The following KANSL2 variants were observed in gnomAD, a reference collection of about 807,000 sequenced individuals.
KANSL2 encodes NSL complex protein NSL2.
Under a neutral mutation model 55.6 loss-of-function variants are expected in KANSL2, and 34 were observed. The observed-to-expected ratio is 0.61, with a 90% CI of 0.46 to 0.81. The LOEUF is 0.81. KANSL2 is among the 40% of genes least tolerant of loss of function. KANSL2 has a pLI of 0.00. For missense variants in KANSL2, 502 were observed against 609.9 expected (o/e 0.82, Z 1.86); for synonymous variants, 209 against 214.3 (o/e 0.98, Z 0.22).
At chr12:48,659,306 C>T (rs1290042130) in intron 8 of KANSL2, among the ~76,000 whole-genome samples, 1 of 146,550 alleles carries the variant, frequency 6.8e-6, no homozygotes, top group African/African-American at 2.5e-5. Flanking sequence ...AAAAAAAAAG[C>T]CAAGTTATAG....
intron 4 of KANSL2, among the ~76,000 whole-genome samples, chr12:48,675,249 G>C (rs10875858): frequency 6.7e-6 from 1 of 150,244 alleles, no homozygotes; most frequent in African/African-American, 2.4e-5. Context: ...ACAAAAAAAA[G>C]AAAGAAATTA....
At chr12:48,656,581 G>C (rs534717830) in intron 8 of KANSL2, 16 of 372,368 alleles carry the variant, frequency 4.3e-5, no homozygotes, top group Admixed American at 3.8e-4. Context: ...CAACTCCCTG[G>C]TTCTTAAGCC....
chr12:48,678,681 G>C (rs937172122), intron 4 of KANSL2, among the ~76,000 whole-genome samples: 6 of 152,096 alleles, frequency 3.9e-5, no homozygotes, highest in Non-Finnish European at 7.4e-5. Flanking sequence ...CATTATTCCT[G>C]AGGTTTAGGC....
At chr12:48,655,162 A>C (rs1939353067) in intron 8 of KANSL2, 102 bp from the exon 9 acceptor site, 1 of 1,147,970 alleles carries the variant, frequency 8.7e-7, no homozygotes, top group Non-Finnish European at 1.2e-6. Context: ...TGTCTCCCTC[A>C]ACCCTAGCCT....
chr12:48,674,499 T>C (rs946882315), intron 4 of KANSL2, among the ~76,000 whole-genome samples: 3 of 152,186 alleles, frequency 2.0e-5, no homozygotes, highest in Non-Finnish European at 4.4e-5. Flanking sequence ...ATACACAGAA[T>C]ATACAAAATT....
Position 48,660,460 on chromosome 12 carries a change from G to C in KANSL2, c.1133C>G (p.Ser378Cys). 6.2e-7 allele frequency: 1 copy of C among 1,613,976 alleles called. No homozygotes were observed. The highest frequency in any genetic ancestry group is 8.5e-7 in the Non-Finnish European group (1 of 1,179,872). ...GCCGGCTTCCAGATCGTCTGGCACA[G>C]ACAGTACCTGCTCGGGCTTATACAT... is the stretch of plus-strand genomic sequence containing the variant. ...PQMYKPEQVL[S>C]VPDDLEAGPM... The change falls in exon 8 of 10, where the codon TCT (serine) becomes TGT (cysteine). Residue 378 changes from serine to cysteine, a missense_variant. By Grantham distance (112) the Ser-to-Cys change is moderately radical. Transcript: ENST00000420613.
In KANSL2 at chr12:48,681,371, T is replaced by C. The variant is rs552321821; in HGVS notation, c.251+11A>G. On this transcript the variant is annotated intron_variant, in intron 2 of 9. Coordinates refer to ENST00000420613, the MANE Select transcript of KANSL2 (RefSeq NM_017822.4). ...TTAAGAAAAACGACATATATATCTA[T>C]ACATATATACCCATCTTTCTTCTCT... 9.4e-5 allele frequency: 150 copies of C among 1,602,778 alleles called. No homozygotes were observed. In the South Asian group the frequency reaches 1.6e-3, roughly 17 times the overall value.
chr12:48,670,750 A>G (rs991628315), intron 5 of KANSL2, among the ~76,000 whole-genome samples: 1 of 151,856 alleles, frequency 6.6e-6, no homozygotes, highest in Admixed American at 6.6e-5. Context: ...TCGGAGGATC[A>G]CTTGAGCCCA....
chr12:48,655,867 C>T (rs1033508455), intron 8 of KANSL2, among the ~76,000 whole-genome samples: 1 of 152,126 alleles, frequency 6.6e-6, no homozygotes, highest in Non-Finnish European at 1.5e-5. Context: ...TCAAGACCAG[C>T]CTGGGTGACA....
At chr12:48,674,857 C>T (rs1294028025) in intron 4 of KANSL2, among the ~76,000 whole-genome samples, 2 of 151,792 alleles carry the variant, frequency 1.3e-5, no homozygotes, top group Admixed American at 1.3e-4. Context: ...ACCTGGTAGG[C>T]AGAGATTACA....
At chr12:48,656,808 TCAAA>T (rs747867646) in intron 8 of KANSL2, 10 of 480,940 alleles carry the variant, frequency 2.1e-5, no homozygotes, top group Admixed American at 7.2e-5. Flanking sequence ...AAACAATATA[TCAAA>T]CTAACTTTCA....
At chr12:48,666,599 A>T (rs925828696) in intron 7 of KANSL2, among the ~76,000 whole-genome samples, 2 of 152,090 alleles carry the variant, frequency 1.3e-5, no homozygotes, top group Non-Finnish European at 2.9e-5. Context: ...AGGATGACAC[A>T]CAAGAATTGC....
chr12:48,672,392 T>C (rs1400029010), intron 4 of KANSL2, among the ~76,000 whole-genome samples: 2 of 137,632 alleles, frequency 1.5e-5, no homozygotes, highest in African/African-American at 5.6e-5. Context: ...TATATATACA[T>C]GTATATATAT....
chr12:48,672,996 C>T lies in KANSL2; in HGVS notation c.546-1034G>A, dbSNP rs138073513. On this transcript the variant is annotated intron_variant, in intron 4 of 9. Coordinates refer to ENST00000420613, the MANE Select transcript of KANSL2 (RefSeq NM_017822.4). ...CTGGTCTTAACTCCTGACCTCAGAT[C>T]GATCTTCCAGCCTCGGCCTCCCAAA... 2.5e-3 allele frequency among the ~76,000 whole-genome samples: 382 copies of T among 151,988 alleles called. 1 individual carries two copies. Among genetic ancestry groups the T allele is most frequent in the Non-Finnish European group, 4.0e-3 (274 of 67,944 alleles).
At chr12:48,676,018 A>G (rs766646946) in intron 4 of KANSL2, among the ~76,000 whole-genome samples, 21 of 152,224 alleles carry the variant, frequency 1.4e-4, no homozygotes, top group Non-Finnish European at 2.2e-4. Context: ...GTCATATGAT[A>G]CAATTATTAT....
At chr12:48,681,228 A>G (rs113003476) in intron 2 of KANSL2, 154 bp downstream of exon 2, 138 of 754,004 alleles carry the variant, frequency 1.8e-4, no homozygotes, top group Non-Finnish European at 2.6e-4. Flanking sequence ...GGGTCTTTCC[A>G]GTCTTCACCG....
chr12:48,657,864 G>A lies in KANSL2; in HGVS notation c.1227+2502C>T, dbSNP rs902721570. On this transcript the variant is annotated intron_variant, in intron 8 of 9. Transcript: ENST00000420613. ...ACTCCTGACCTCAGGTGATCTACCCGTCTCGGACTCCCAAAGTGCTGGGAT... is the reference window on the plus strand; with the variant it reads ...ACTCCTGACCTCAGGTGATCTACCCATCTCGGACTCCCAAAGTGCTGGGAT... Among the ~76,000 whole-genome samples the A allele has an allele frequency of 5.9e-5, 9 of 151,898 alleles. No individual in the cohort carries two copies. The South Asian group carries it at 8.4e-4, about 14-fold the overall frequency.
chr12:48,681,068 G>A (rs1235902554), intron 2 of KANSL2, among the ~76,000 whole-genome samples: 1 of 150,162 alleles, frequency 6.7e-6, no homozygotes, highest in Non-Finnish European at 1.5e-5. Flanking sequence ...ATACCTTGAG[G>A]CCAGGAGTTT....
At chr12:48,671,656 TTA>T in intron 5 of KANSL2, 141 bp downstream of exon 5, 1 of 811,374 alleles carries the variant, frequency 1.2e-6, no homozygotes, top group Non-Finnish European at 2.0e-6. Context: ...ACCACCTACG[TTA>T]GCGTGAGTCA....
Sources: allele counts gnomAD v4.1 joint callset (sites outside exome capture counted in the v4.1 genomes callset), GRCh38; gene constraint gnomAD v4.1.1; transcripts MANE v1.5; gene names NCBI Gene and HGNC (gene_info 2026-07-23, HGNC 2026-07-21).